ANXA1: variants seen among roughly 807,000 people sequenced by gnomAD.
ANXA1 encodes annexin A1.
ANXA1 carries 39 observed loss-of-function variants against 47.9 expected under a neutral mutation model. That is an observed-to-expected ratio of 0.81 (90% CI 0.63 to 1.06). The LOEUF is 1.06. ANXA1 is among the 50% of genes least tolerant of loss of function. ANXA1 has a pLI of 0.00. For missense variants in ANXA1, 446 were observed against 422.7 expected (o/e 1.06, Z -0.48); for synonymous variants, 146 against 142.5 (o/e 1.02, Z -0.17).
At chr9:73,154,244 A>G (rs1824012956) in intron 1 of ANXA1, 2 of 1,249,164 alleles carry the variant, frequency 1.6e-6, no homozygotes, top group African/African-American at 1.5e-5. Flanking sequence ...AGGAAAAACT[A>G]TGCACAAGGC....
intron 12 of ANXA1, 27 bp downstream of exon 12, chr9:73,169,181 C>T (rs770697061): frequency 6.4e-7 from 1 of 1,568,576 alleles, no homozygotes; most frequent in East Asian, 2.3e-5. Context: ...CTAATGCCAT[C>T]CCAACAAATG....
At chr9:73,165,908 G>C in intron 9 of ANXA1, among the ~76,000 whole-genome samples, 189 bp from the exon 10 acceptor site, 1 of 152,034 alleles carries the variant, frequency 6.6e-6, no homozygotes, top group Non-Finnish European at 1.5e-5. Flanking sequence ...ATACCAAAAT[G>C]GCCAGGTAAG....
chr9:73,154,043 C>G (rs1342077633), intron 1 of ANXA1, among the ~76,000 whole-genome samples: 1 of 151,982 alleles, frequency 6.6e-6, no homozygotes, highest in Non-Finnish European at 1.5e-5. Context: ...ATTAGTTAGG[C>G]AAAGGGAAGT....
intron 12 of ANXA1, among the ~76,000 whole-genome samples, chr9:73,169,647 T>A (rs1824290953): frequency 6.6e-6 from 1 of 152,132 alleles, no homozygotes; most frequent in Non-Finnish European, 1.5e-5. Flanking sequence ...AATTAATTAG[T>A]CATATTGGAT....
intron 8 of ANXA1, 104 bp downstream of exon 8, chr9:73,163,636 C>T (rs748431931): frequency 5.9e-5 from 67 of 1,135,412 alleles, no homozygotes; most frequent in Non-Finnish European, 8.1e-5. Flanking sequence ...TCTGAGAGAC[C>T]AATGGCTTCT....
At position 73,165,191 on chromosome 9, in the gene ANXA1, T is replaced by A; in HGVS notation, c.688T>A (p.Tyr230Asn). The part of the protein sequence containing the change: ...VFNTILTTRS[Y>N]PQLRRVFQKY... Reference sequence around the variant, plus strand: ...CAATACCATCCTTACCACCAGAAGCTATCCACAACTTCGCAGAGGTAACAA... The same window carrying A: ...CAATACCATCCTTACCACCAGAAGCAATCCACAACTTCGCAGAGGTAACAA... Residue 230 changes from tyrosine to asparagine, a missense_variant, in exon 9 of 13, where the codon TAT becomes AAT. Coordinates refer to ENST00000257497, the MANE Select transcript of ANXA1 (RefSeq NM_000700.3). 6.2e-7 allele frequency: 1 copy of A among 1,612,664 alleles called. No homozygotes were observed. Among genetic ancestry groups the A allele is most frequent in the Non-Finnish European group, 8.5e-7 (1 of 1,178,976 alleles).
intron 9 of ANXA1, 49 bp downstream of exon 9, chr9:73,165,258 T>A (rs1824208693): frequency 1.3e-6 from 2 of 1,498,148 alleles, no homozygotes; most frequent in South Asian, 2.3e-5. Context: ...AGATGCAATT[T>A]TCTTTTTTGA....
At chr9:73,157,016 T>C (rs564219240) in intron 1 of ANXA1, among the ~76,000 whole-genome samples, 4 of 152,306 alleles carry the variant, frequency 2.6e-5, no homozygotes, top group African/African-American at 9.6e-5. Context: ...CAAGTCATGA[T>C]AGCAATTCAA....
intron 1 of ANXA1, among the ~76,000 whole-genome samples, chr9:73,156,351 A>G (rs562420050): frequency 6.6e-6 from 1 of 152,068 alleles, no homozygotes; most frequent in South Asian, 2.1e-4. Flanking sequence ...GGGTGTGCCA[A>G]TTAAGAAGGT....
intron 9 of ANXA1, chr9:73,165,526 G>GA (rs1779913903): frequency 3.2e-5 from 4 of 123,644 alleles, no homozygotes; most frequent in Non-Finnish European, 4.9e-5. Context: ...TTAGAATGAA[G>GA]AAAAACAAAA....
At chr9:73,158,456 G>A in intron 1 of ANXA1, 66 bp from the exon 2 acceptor site, 1 of 1,221,994 alleles carries the variant, frequency 8.2e-7, no homozygotes. Context: ...TATGTAAGAG[G>A]TGAGGAAGGA....
chr9:73,157,084 T>C (rs1824059498), intron 1 of ANXA1, among the ~76,000 whole-genome samples: 1 of 152,208 alleles, frequency 6.6e-6, no homozygotes, highest in Admixed American at 6.5e-5. Flanking sequence ...ATTGCACCTC[T>C]AGGCTTCCTG....
At chr9:73,168,368 AG>A (rs1824267724) in intron 11 of ANXA1, 1 of 152,160 alleles carries the variant, frequency 6.6e-6, no homozygotes, top group South Asian at 2.1e-4. Context: ...GGAAGAGAAA[AG>A]TGGGACATAT....
chr9:73,163,587 G>A, intron 8 of ANXA1, 55 bp downstream of exon 8: 2 of 1,567,164 alleles, frequency 1.3e-6, no homozygotes, highest in South Asian at 1.1e-5. Flanking sequence ...CTTAAGTGGG[G>A]CTACCACATG....
intron 1 of ANXA1, chr9:73,158,215 C>A: frequency 3.4e-6 from 1 of 290,358 alleles, no homozygotes; most frequent in Non-Finnish European, 6.7e-6. Flanking sequence ...TGTAGTGAAC[C>A]ACAAACTCCT....
At position 73,160,526 on chromosome 9, in the gene ANXA1, T is replaced by C. The variant is rs987504264; in HGVS notation, c.384+150T>C. 8.5e-6 allele frequency: 5 copies of C among 589,892 alleles called. No homozygotes were observed. The Admixed American group carries it at 1.8e-4, about 21-fold the overall frequency. The allele number at this position is 589,892 out of a possible 1,614,324, so 36.5% of individuals were successfully genotyped here. A position where few individuals can be genotyped will look rare whatever the true frequency, so the allele number is the denominator to read the frequency against. ...TAAATTAATACCTCAATGAAGGAATTAATATATAAATGAAAACAGAAATGT... is the reference window on the plus strand; with the variant it reads ...TAAATTAATACCTCAATGAAGGAATCAATATATAAATGAAAACAGAAATGT... On this transcript the variant is annotated intron_variant, in intron 5 of 12. Coordinates refer to ENST00000257497, the MANE Select transcript of ANXA1 (RefSeq NM_000700.3).
Position 73,166,256 on chromosome 9 carries a change from A to T in ANXA1, c.802+64A>T, listed in dbSNP as rs1824228094. 1.4e-5 allele frequency: 17 copies of T among 1,172,988 alleles called. 1 individual carries two copies. The highest frequency in any genetic ancestry group is 1.7e-5 in the Non-Finnish European group (14 of 816,428). 72.7% of individuals were successfully genotyped at this position (1,172,988 alleles called of 1,614,324 possible). On this transcript the variant is annotated intron_variant, in intron 10 of 12. Coordinates refer to ENST00000257497, the MANE Select transcript of ANXA1 (RefSeq NM_000700.3). ...AATTGTATTTTCAAAGCTATCCTAT[A>T]CTTAACAAGAACAACAGCAACAAAA...
intron 12 of ANXA1, 73 bp from the exon 13 acceptor site, chr9:73,169,978 C>A: frequency 8.9e-7 from 1 of 1,120,342 alleles, no homozygotes; most frequent in Non-Finnish European, 1.3e-6. Flanking sequence ...AAAAATAATT[C>A]TTCTATAAGT....
At chr9:73,161,044 T>A (rs1335338173) in intron 6 of ANXA1, 151 bp downstream of exon 6, 1 of 564,108 alleles carries the variant, frequency 1.8e-6, no homozygotes. Flanking sequence ...GTCTATTAAA[T>A]GCTGTTACCA....
Sources: gnomAD v4.1 joint callset for allele counts (sites outside exome capture counted in the v4.1 genomes callset) on GRCh38, gnomAD v4.1.1 for gene constraint, MANE v1.5 for transcripts, NCBI Gene and HGNC (gene_info 2026-07-23, HGNC 2026-07-21) for gene names.